CDH2: variants seen among roughly 807,000 people sequenced by gnomAD.
CDH2 encodes cadherin 2, also known as cadherin-2.
A neutral mutation model predicts 92.0 loss-of-function variants in CDH2; 17 were observed. That is an observed-to-expected ratio of 0.18 (90% CI 0.13 to 0.28). The LOEUF (loss-of-function observed/expected upper bound fraction) is 0.28, where lower values mean the gene tolerates loss of function less well. Ranked by LOEUF, CDH2 falls within the 10% of genes least tolerant of loss-of-function variation. The pLI is 1.00. For synonymous variants in CDH2, 419 were observed against 415.9 expected (o/e 1.01, Z -0.09); for missense variants, 862 against 1,133.1 (o/e 0.76, Z 3.44).
At chr18:27,940,464 C>T (rs1909109579) in intron 6 of CDH2, among the ~76,000 whole-genome samples, 1 of 152,154 alleles carries the variant, frequency 6.6e-6, no homozygotes, top group Non-Finnish European at 1.5e-5. Flanking sequence ...TCAAGTCCTT[C>T]CACCTTCCTG....
At chr18:27,975,056 C>G (rs978481221) in intron 14 of CDH2, among the ~76,000 whole-genome samples, 2 of 151,872 alleles carry the variant, frequency 1.3e-5, no homozygotes, top group South Asian at 4.1e-4. Context: ...CTTAAAAAAA[C>G]ACATTTCAGA....
Position 28,078,268 on chromosome 18 carries a change from T to C in CDH2, c.173-64359A>G, listed in dbSNP as rs531904011. On this transcript the variant is annotated intron_variant, in intron 2 of 15. Coordinates refer to ENST00000269141, the MANE Select transcript of CDH2 (RefSeq NM_001792.5). ...GCGCTGAGAGAACCCCAATCAGCTG[T>C]TGACCTCCTGGAACTGTGCAAACAC... is the stretch of plus-strand genomic sequence containing the variant. Among the ~76,000 whole-genome samples, 9 of 152,244 alleles carry C rather than the reference T, an allele frequency of 5.9e-5. No homozygotes were observed. In the South Asian group the frequency reaches 1.5e-3, roughly 25 times the overall value.
intron 1 of CDH2, among the ~76,000 whole-genome samples, chr18:28,161,611 T>C (rs2016307887): frequency 1.4e-5 from 2 of 144,300 alleles, no homozygotes; most frequent in African/African-American, 2.6e-5. Context: ...AGCAAAGCTA[T>C]AGATCTTCCA....
intron 2 of CDH2, among the ~76,000 whole-genome samples, chr18:28,073,773 C>G (rs1007538596): frequency 1.2e-4 from 19 of 152,092 alleles, no homozygotes; most frequent in African/African-American, 4.6e-4. Context: ...TGTTCAAAAT[C>G]AGTTTGATAT....
intron 2 of CDH2, among the ~76,000 whole-genome samples, chr18:28,039,215 C>T (rs575006056): frequency 1.2e-4 from 19 of 152,196 alleles, no homozygotes; most frequent in African/African-American, 4.3e-4. Flanking sequence ...CTGCTTAGCT[C>T]CTTGCATGAA....
chr18:28,130,786 G>A (rs1008104619), intron 2 of CDH2, among the ~76,000 whole-genome samples: 1 of 152,190 alleles, frequency 6.6e-6, no homozygotes, highest in Non-Finnish European at 1.5e-5. Flanking sequence ...GAATTAGACT[G>A]TCAGAGCAAT....
At chr18:28,078,614 A>T (rs2014769706) in intron 2 of CDH2, among the ~76,000 whole-genome samples, 1 of 151,684 alleles carries the variant, frequency 6.6e-6, no homozygotes, top group Non-Finnish European at 1.5e-5. Context: ...TTGATATTCC[A>T]GCTATACTAA....
At chr18:28,025,295 G>A (rs1006881198) in intron 2 of CDH2, among the ~76,000 whole-genome samples, 2 of 151,992 alleles carry the variant, frequency 1.3e-5, no homozygotes, top group Admixed American at 6.6e-5. Context: ...AGGCAGGAGG[G>A]TTGCCTAAAC....
intron 1 of CDH2, 77 bp from the exon 2 acceptor site, chr18:28,147,861 T>C: frequency 1.2e-6 from 1 of 806,194 alleles, no homozygotes; most frequent in Non-Finnish European, 2.0e-6. Context: ...CCACTTGGCA[T>C]AAAGCCTCAT....
Position 27,951,900 on chromosome 18 carries a change from G to C in CDH2, c.*253C>G. ...AGAAAACTAATTCCAATCTGAAAAA[G>C]GTACAAAAAGGCACATAAAATCCCA... is the stretch of plus-strand genomic sequence containing the variant. On this transcript the variant is annotated 3_prime_UTR_variant, in exon 16 of 16. Coordinates refer to ENST00000269141, the MANE Select transcript of CDH2 (RefSeq NM_001792.5). 2.1e-6 allele frequency: 1 copy of C among 466,798 alleles called. No individual in the cohort carries two copies. Among genetic ancestry groups the C allele is most frequent in the Non-Finnish European group, 3.9e-6 (1 of 257,560 alleles). 28.9% of individuals were successfully genotyped at this position (466,798 alleles called of 1,614,324 possible).
At chr18:28,032,205 T>C (rs1446554003) in intron 2 of CDH2, among the ~76,000 whole-genome samples, 1 of 152,102 alleles carries the variant, frequency 6.6e-6, no homozygotes, top group Non-Finnish European at 1.5e-5. Context: ...AAATTCCAAC[T>C]AGCTTCTCAG....
intron 2 of CDH2, among the ~76,000 whole-genome samples, chr18:28,031,342 C>T (rs1284888055): frequency 6.6e-6 from 1 of 152,006 alleles, no homozygotes; most frequent in African/African-American, 2.4e-5. Flanking sequence ...GACCAATTCT[C>T]ATCACCTCCA....
In CDH2 at chr18:27,983,046, C is replaced by T. The variant is rs202029916; in HGVS notation, c.2247G>A (p.Arg749=). The change falls in exon 14 of 16, where the codon CGG becomes CGA. Residue 749 remains arginine, a synonymous_variant. Transcript: ENST00000269141. ...GTTGTTTGGCCTGGCGTTCTTTATC[C>T]CGGCGTTTCATCCATACCACAAACA... is the stretch of plus-strand genomic sequence containing the variant. ...VLMFVVWMKR[R]DKERQAKQLL... is the part of the protein sequence containing the mutation. 3 of 1,612,628 alleles carry T rather than the reference C, an allele frequency of 1.9e-6. No individual in the cohort carries two copies. The highest frequency in any genetic ancestry group is 1.7e-6 in the Non-Finnish European group (2 of 1,179,072).
chr18:28,049,580 T>C (rs1425218107), intron 2 of CDH2, among the ~76,000 whole-genome samples: 4 of 152,290 alleles, frequency 2.6e-5, no homozygotes, highest in African/African-American at 9.6e-5. Context: ...CTTATATGTA[T>C]TTGTACATCA....
chr18:28,098,185 A>T (rs2015168020), intron 2 of CDH2, among the ~76,000 whole-genome samples: 1 of 152,220 alleles, frequency 6.6e-6, no homozygotes. Context: ...TGTATGCTGT[A>T]TTGCTACACA....
At chr18:27,959,374 A>G (rs2011339025) in intron 15 of CDH2, 1 of 152,182 alleles carries the variant, frequency 6.6e-6, no homozygotes, top group Non-Finnish European at 1.5e-5. Flanking sequence ...ACATCTATAA[A>G]AGCACTCCAA....
intron 2 of CDH2, among the ~76,000 whole-genome samples, chr18:28,131,709 G>GTGTGTGTGTGT: frequency 1.3e-5 from 1 of 75,418 alleles, no homozygotes; most frequent in Admixed American, 1.5e-4. Context: ...TGTGTGTGTG[G>GTGTGTGTGTGT]CCTGAAATAG....
Position 27,985,517 on chromosome 18 carries a change from C to G in CDH2, c.1975+11G>C, listed in dbSNP as rs747904579. 6.5e-7 allele frequency: 1 copy of G among 1,543,892 alleles called. No homozygotes were observed. Among genetic ancestry groups the G allele is most frequent in the African/African-American group, 1.4e-5 (1 of 73,318 alleles). On this transcript the variant is annotated intron_variant, in intron 12 of 15. Coordinates refer to ENST00000269141, the MANE Select transcript of CDH2 (RefSeq NM_001792.5). ...ACTGCACATATATTCAAATAATTAA[C>G]CTGTTCTTACCATTAAGCCGAGTGA... is the stretch of plus-strand genomic sequence containing the variant.
At chr18:28,035,753 A>G (rs530912986) in intron 2 of CDH2, among the ~76,000 whole-genome samples, 1 of 152,210 alleles carries the variant, frequency 6.6e-6, no homozygotes, top group East Asian at 1.9e-4. Flanking sequence ...TCTTTGTCAT[A>G]GCTGCATGAG....
Sources: allele counts gnomAD v4.1 joint callset (sites outside exome capture counted in the v4.1 genomes callset), GRCh38; gene constraint gnomAD v4.1.1; transcripts MANE v1.5; gene names NCBI Gene and HGNC (gene_info 2026-07-23, HGNC 2026-07-21).